Variants in FBXO4 observed in about 807,000 individuals in gnomAD.
The protein encoded by FBXO4 is F-box only protein 4.
A neutral mutation model predicts 43.7 loss-of-function variants in FBXO4; 36 were observed. That is an observed-to-expected ratio of 0.82 (90% CI 0.63 to 1.09). The LOEUF (loss-of-function observed/expected upper bound fraction) is 1.09, where lower values mean the gene tolerates loss of function less well. Ranked by LOEUF, FBXO4 falls within the 50% of genes least tolerant of loss-of-function variation. The probability of loss-of-function intolerance (pLI) is 0.00; values close to 1 mark genes in which losing one functional copy is unlikely to be tolerated. For missense variants in FBXO4, 435 were observed against 474.1 expected (o/e 0.92, Z 0.77); for synonymous variants, 180 against 165.6 (o/e 1.09, Z -0.67).
the FBXO4 span, among the ~76,000 whole-genome samples, chr5:41,947,065 T>C: frequency 6.6e-6 from 1 of 152,174 alleles, no homozygotes; most frequent in South Asian, 2.1e-4. Flanking sequence ...ATTGAATAAA[T>C]AGGTGATACA....
chr5:42,034,134 TC>T, the FBXO4 span, among the ~76,000 whole-genome samples: 1 of 152,106 alleles, frequency 6.6e-6, no homozygotes, highest in Non-Finnish European at 1.5e-5. Context: ...GCTTTTTTTT[TC>T]ATGTTTGTTG....
chr5:42,015,406 C>T, the FBXO4 span, among the ~76,000 whole-genome samples: 33 of 152,272 alleles, frequency 2.2e-4, no homozygotes, highest in African/African-American at 7.7e-4. Context: ...CACATACAGA[C>T]TGTTATAATC....
chr5:41,989,142 C>G, the FBXO4 span, among the ~76,000 whole-genome samples: 1 of 152,032 alleles, frequency 6.6e-6, no homozygotes, highest in East Asian at 1.9e-4. Flanking sequence ...TACCAGTGAA[C>G]CTGATATATC....
At chr5:41,958,426 C>T in the FBXO4 span, among the ~76,000 whole-genome samples, 12 of 152,172 alleles carry the variant, frequency 7.9e-5, no homozygotes, top group Non-Finnish European at 1.5e-4. Flanking sequence ...AGCAGCCCTG[C>T]CAGCCAGCAA....
At chr5:41,963,841 T>C in the FBXO4 span, 1 of 152,166 alleles carries the variant, frequency 6.6e-6, no homozygotes, top group Non-Finnish European at 1.5e-5. Flanking sequence ...ACAGGTCAAC[T>C]GTAATGAAAT....
the FBXO4 span, among the ~76,000 whole-genome samples, chr5:41,961,325 A>C: frequency 1.3e-5 from 2 of 152,112 alleles, no homozygotes; most frequent in African/African-American, 4.8e-5. Flanking sequence ...GTGGCTGAAG[A>C]GATTCCTCTT....
At chr5:42,007,513 G>A in the FBXO4 span, among the ~76,000 whole-genome samples, 3,849 of 152,040 alleles carry the variant, frequency 0.025, 49 homozygotes, top group Middle Eastern at 0.041. Context: ...CATATTATCC[G>A]TAGATAAGTG....
At chr5:42,002,314 G>A in the FBXO4 span, among the ~76,000 whole-genome samples, 3 of 152,160 alleles carry the variant, frequency 2.0e-5, no homozygotes, top group African/African-American at 7.2e-5. Flanking sequence ...GCTTAAATAA[G>A]TGCCTGCCGC....
the FBXO4 span, among the ~76,000 whole-genome samples, chr5:41,965,602 C>G: frequency 3.9e-4 from 60 of 152,206 alleles, no homozygotes; most frequent in African/African-American, 1.4e-3. Context: ...AAATGCAAAT[C>G]AAAACCACAA....
chr5:41,929,587 A>G (rs1751613479), intron 2 of FBXO4, 110 bp from the exon 3 acceptor site: 3 of 757,400 alleles, frequency 4.0e-6, no homozygotes, highest in Non-Finnish European at 6.3e-6. Context: ...TTGGGACTAT[A>G]TAATCATTGT....
chr5:41,984,658 A>G, the FBXO4 span, among the ~76,000 whole-genome samples: 1 of 152,142 alleles, frequency 6.6e-6, no homozygotes, highest in African/African-American at 2.4e-5. Context: ...CCAGGAGTGT[A>G]TGAAGATAAG....
the FBXO4 span, among the ~76,000 whole-genome samples, chr5:41,989,183 TTAGCAGGG>T: frequency 6.6e-6 from 1 of 152,180 alleles, no homozygotes; most frequent in Non-Finnish European, 1.5e-5. Context: ...CCAGTTTGCC[TTAGCAGGG>T]TAGCTTGTAA....
downstream of FBXO4, among the ~76,000 whole-genome samples, chr5:41,943,861 A>G (rs1752039317): frequency 6.6e-6 from 1 of 152,204 alleles, no homozygotes; most frequent in Non-Finnish European, 1.5e-5. Context: ...TTAAGGTTAA[A>G]TGAGGTCATA....
chr5:41,950,365 T>C, the FBXO4 span, among the ~76,000 whole-genome samples: 9 of 151,906 alleles, frequency 5.9e-5, 2 homozygotes, highest in South Asian at 1.9e-3. Flanking sequence ...GACAAATTTA[T>C]GAGAAAAAAA....
the FBXO4 span, among the ~76,000 whole-genome samples, chr5:41,996,017 G>A: frequency 4.6e-4 from 70 of 152,274 alleles, no homozygotes; most frequent in African/African-American, 1.6e-3. Context: ...ATGCAGAACC[G>A]TCTGTGAACC....
the FBXO4 span, among the ~76,000 whole-genome samples, chr5:41,964,677 T>C: frequency 1.3e-5 from 2 of 152,142 alleles, 1 homozygote; most frequent in African/African-American, 4.8e-5. Context: ...TGCATAAATG[T>C]CTTCTTTTGA....
the FBXO4 span, among the ~76,000 whole-genome samples, chr5:42,027,883 G>A: frequency 6.6e-6 from 1 of 151,854 alleles, no homozygotes; most frequent in African/African-American, 2.4e-5. Flanking sequence ...ATTCCATTGT[G>A]GCCAGAGAAG....
the FBXO4 span, among the ~76,000 whole-genome samples, chr5:42,021,264 G>C: frequency 6.6e-6 from 1 of 152,130 alleles, no homozygotes; most frequent in Non-Finnish European, 1.5e-5. Context: ...GGATTAAGTG[G>C]AACGGACATG....
the FBXO4 span, among the ~76,000 whole-genome samples, chr5:41,977,159 G>A: frequency 3.3e-5 from 5 of 152,168 alleles, no homozygotes; most frequent in East Asian, 9.7e-4. Flanking sequence ...GTGATGTGAG[G>A]GGCTGCCTTG....
Sources: gnomAD v4.1 joint callset for allele counts (sites outside exome capture counted in the v4.1 genomes callset) on GRCh38, gnomAD v4.1.1 for gene constraint, MANE v1.5 for transcripts, NCBI Gene and HGNC (gene_info 2026-07-23, HGNC 2026-07-21) for gene names.